The following ITPR1 variants were observed in gnomAD, a reference collection of about 807,000 sequenced individuals.
ITPR1 encodes inositol 1,4,5-trisphosphate-gated calcium channel ITPR1.
A neutral mutation model predicts 318.4 loss-of-function variants in ITPR1; 96 were observed. The ratio of observed to expected loss-of-function variants is 0.30; its 90% CI spans 0.26 to 0.36. The LOEUF (loss-of-function observed/expected upper bound fraction) is 0.36, where lower values mean the gene tolerates loss of function less well. ITPR1 is among the 10% of genes least tolerant of loss of function. ITPR1 has a pLI of 1.00. For missense variants in ITPR1, 2,440 were observed against 3,460.2 expected (o/e 0.71, Z 7.40); for synonymous variants, 1,312 against 1,289.9 (o/e 1.02, Z -0.37).
intron 4 of ITPR1, among the ~76,000 whole-genome samples, chr3:4,596,565 G>A (rs1164537262): frequency 6.6e-6 from 1 of 152,176 alleles, no homozygotes; most frequent in Non-Finnish European, 1.5e-5. Context: ...ATCTGAACCA[G>A]GTTGTTATTG....
At chr3:4,641,777 T>G (rs1394590279) in intron 6 of ITPR1, among the ~76,000 whole-genome samples, 1 of 152,238 alleles carries the variant, frequency 6.6e-6, no homozygotes, top group Non-Finnish European at 1.5e-5. Flanking sequence ...CCCGTTCACA[T>G]AGGGCTAGGT....
intron 17 of ITPR1, among the ~76,000 whole-genome samples, chr3:4,665,547 C>A (rs1380118087): frequency 2.0e-5 from 3 of 152,140 alleles, no homozygotes; most frequent in African/African-American, 7.2e-5. Context: ...GTTGGTTTTA[C>A]ATTTATAGAA....
intron 4 of ITPR1, among the ~76,000 whole-genome samples, chr3:4,590,176 T>C (rs2090273579): frequency 3.5e-4 from 2 of 5,640 alleles, no homozygotes; most frequent in Non-Finnish European, 7.9e-4. Flanking sequence ...TCGTCTTGCT[T>C]TTTTTTTTTT....
At position 4,747,088 on chromosome 3, in the gene ITPR1, A is replaced by G. The variant is rs1192904134; in HGVS notation, c.5544+11734A>G. Among the ~76,000 whole-genome samples, 3 of 152,284 alleles carry G rather than the reference A, an allele frequency of 2.0e-5. No individual in the cohort carries two copies. In the East Asian group the frequency reaches 5.8e-4, roughly 29 times the overall value. On this transcript the variant is annotated intron_variant, in intron 44 of 61. Coordinates refer to ENST00000649015, the MANE Select transcript of ITPR1 (RefSeq NM_001378452.1). ...GGACCTTCTTTAGGTGTGGGAGGGA[A>G]TTGATCTGAGCCCATGGGAAATACA...
At chr3:4,675,627 C>T (rs373136022) in intron 23 of ITPR1, among the ~76,000 whole-genome samples, 1 of 152,082 alleles carries the variant, frequency 6.6e-6, no homozygotes, top group African/African-American at 2.4e-5. Flanking sequence ...TTGTTCTTGA[C>T]ATTCGTGAGA....
intron 59 of ITPR1, among the ~76,000 whole-genome samples, chr3:4,815,910 A>G (rs549288174): frequency 6.6e-6 from 1 of 152,290 alleles, no homozygotes; most frequent in South Asian, 2.1e-4. Flanking sequence ...TAGAAAAGAC[A>G]TGACTATCCA....
intron 42 of ITPR1, among the ~76,000 whole-genome samples, chr3:4,730,695 A>G (rs1240012684): frequency 6.6e-6 from 1 of 151,852 alleles, no homozygotes; most frequent in Non-Finnish European, 1.5e-5. Flanking sequence ...CGAAGGGGGG[A>G]AGAAAAAAGC....
chr3:4,563,825 A>G (rs2086930699), intron 4 of ITPR1, among the ~76,000 whole-genome samples: 1 of 152,166 alleles, frequency 6.6e-6, no homozygotes, highest in African/African-American at 2.4e-5. Context: ...AATCCTATAT[A>G]GAGGTTTTAT....
chr3:4,550,400 G>A (rs1160820139), intron 4 of ITPR1, among the ~76,000 whole-genome samples: 4 of 152,208 alleles, frequency 2.6e-5, no homozygotes, highest in Non-Finnish European at 5.9e-5. Context: ...TAACGGGGTC[G>A]TGACAGTGAT....
chr3:4,696,239 A>G (rs1416573994), intron 33 of ITPR1, among the ~76,000 whole-genome samples: 2 of 152,208 alleles, frequency 1.3e-5, no homozygotes, highest in African/African-American at 4.8e-5. Flanking sequence ...CACCCCAAAA[A>G]GAAACCCCAT....
chr3:4,615,212 G>A (rs1402406444), intron 4 of ITPR1, among the ~76,000 whole-genome samples: 1 of 152,104 alleles, frequency 6.6e-6, no homozygotes, highest in Non-Finnish European at 1.5e-5. Context: ...TAAGCCCTGA[G>A]TCTTCTGCAG....
At chr3:4,569,417 T>A (rs2087744683) in intron 4 of ITPR1, among the ~76,000 whole-genome samples, 1 of 152,256 alleles carries the variant, frequency 6.6e-6, no homozygotes, top group Admixed American at 6.5e-5. Context: ...TTTATGTTTT[T>A]ATAAGTCAAC....
intron 31 of ITPR1, among the ~76,000 whole-genome samples, chr3:4,688,875 G>A (rs2094438204): frequency 6.6e-6 from 1 of 152,218 alleles, no homozygotes; most frequent in Admixed American, 6.5e-5. Context: ...TATTTTCCTA[G>A]TCAAGTCCTT....
At chr3:4,743,558 C>T (rs1305415655) in intron 44 of ITPR1, among the ~76,000 whole-genome samples, 2 of 152,196 alleles carry the variant, frequency 1.3e-5, no homozygotes, top group Non-Finnish European at 2.9e-5. Flanking sequence ...TGATAAGAGG[C>T]ACAATCCCTT....
At position 4,675,177 on chromosome 3, in the gene ITPR1, C is replaced by A; in HGVS notation, c.2708C>A (p.Thr903Lys). Residue 903 changes from threonine to lysine, a missense_variant, in exon 23 of 62, where the codon ACA becomes AAA. Physicochemically the swap from Thr to Lys is moderately conservative, Grantham distance 78. Around this residue, in one of 23 missense-constraint regions of ITPR1, gnomAD observed 478 missense variants for 696.3 expected, o/e 0.69. Coordinates refer to ENST00000649015, the MANE Select transcript of ITPR1 (RefSeq NM_001378452.1). ...ATATTGGACTGTGTACATGTGACAA[C>A]AATCTTCCCCATTAGCAAGATGGCG... ...LAILDCVHVT[T>K]IFPISKMAKG... is the part of the protein sequence containing the mutation. 1 of 1,612,436 alleles carries A rather than the reference C, an allele frequency of 6.2e-7. No individual in the cohort carries two copies. The highest frequency in any genetic ancestry group is 8.5e-7 in the Non-Finnish European group (1 of 1,179,078).
intron 4 of ITPR1, among the ~76,000 whole-genome samples, chr3:4,585,000 T>A (rs2089739642): frequency 6.6e-6 from 1 of 152,192 alleles, no homozygotes; most frequent in Admixed American, 6.5e-5. Flanking sequence ...ACTTGCCCAC[T>A]GTCAGAGTGT....
intron 44 of ITPR1, among the ~76,000 whole-genome samples, chr3:4,761,624 G>A (rs909677839): frequency 1.3e-5 from 2 of 152,214 alleles, no homozygotes; most frequent in African/African-American, 4.8e-5. Context: ...GTGGGGTGGA[G>A]TGAAAAGTTT....
At chr3:4,619,672 T>C (rs9865312) in intron 4 of ITPR1, among the ~76,000 whole-genome samples, 2,965 of 6,256 alleles carry the variant, frequency 0.47, 1,097 homozygotes, top group East Asian at 0.74. Context: ...TCTCCTCTGC[T>C]CTCCCCTGCT....
At chr3:4,511,771 C>T (rs981522439) in intron 2 of ITPR1, among the ~76,000 whole-genome samples, 1 of 152,160 alleles carries the variant, frequency 6.6e-6, no homozygotes, top group East Asian at 1.9e-4. Flanking sequence ...GCCTCAGCTC[C>T]TGCCTGCCAT....
Sources: allele counts gnomAD v4.1 joint callset (sites outside exome capture counted in the v4.1 genomes callset), GRCh38; gene constraint gnomAD v4.1.1; regional missense constraint gnomAD v4.1.1; transcripts MANE v1.5; gene names NCBI Gene and HGNC (gene_info 2026-07-23, HGNC 2026-07-21).